Variants in PKHD1 observed in about 807,000 individuals in gnomAD.
PKHD1 encodes PKHD1 ciliary IPT domain containing fibrocystin/polyductin, also known as fibrocystin.
In PKHD1, 291 loss-of-function variants were observed where a neutral mutation model predicts 412.0. That is an observed-to-expected ratio of 0.71 (90% CI 0.64 to 0.78). The LOEUF is 0.78. Among genes scored for constraint, PKHD1 ranks in the 30% least tolerant of loss-of-function variants. PKHD1 has a pLI of 0.00. For synonymous variants in PKHD1, 1,777 were observed against 1,821.5 expected (o/e 0.98, Z 0.62); for missense variants, 4,825 against 4,950.7 (o/e 0.97, Z 0.76).
intron 60 of PKHD1, among the ~76,000 whole-genome samples, chr6:51,741,778 T>C (rs1250881599): frequency 6.6e-6 from 1 of 152,230 alleles, no homozygotes; most frequent in African/African-American, 2.4e-5. Flanking sequence ...ACTTGGATTC[T>C]AAGCCTTGTA....
chr6:51,695,994 TG>T (rs1778758262), intron 60 of PKHD1, among the ~76,000 whole-genome samples: 1 of 152,210 alleles, frequency 6.6e-6, no homozygotes, highest in African/African-American at 2.4e-5. Flanking sequence ...TGTTCCACAC[TG>T]GGGCTCCCAA....
At chr6:51,681,953 T>C (rs775623368) in intron 60 of PKHD1, among the ~76,000 whole-genome samples, 42 of 152,068 alleles carry the variant, frequency 2.8e-4, no homozygotes, top group Non-Finnish European at 5.0e-4. Context: ...TCTGAGTTTG[T>C]CTCTTGAGAC....
chr6:51,723,714 T>C (rs1782209384), intron 60 of PKHD1, among the ~76,000 whole-genome samples: 1 of 152,060 alleles, frequency 6.6e-6, no homozygotes. Flanking sequence ...TTTCTCCATC[T>C]CTCTCAAAAG....
At chr6:51,660,001 T>A in intron 60 of PKHD1, 32 bp from the exon 61 acceptor site, 1 of 1,281,078 alleles carries the variant, frequency 7.8e-7, no homozygotes, top group South Asian at 1.2e-5. Context: ...ACAAGTGATA[T>A]ATGAATTATA....
At chr6:51,911,219 G>A (rs1239371491) in intron 39 of PKHD1, among the ~76,000 whole-genome samples, 2 of 152,102 alleles carry the variant, frequency 1.3e-5, no homozygotes, top group African/African-American at 2.4e-5. Context: ...TCTACAGCCT[G>A]GGAAACCAAA....
chr6:51,799,644 A>C (rs545460650), intron 52 of PKHD1, among the ~76,000 whole-genome samples: 80 of 152,310 alleles, frequency 5.3e-4, no homozygotes, highest in African/African-American at 1.8e-3. Flanking sequence ...AGCTAGTTAC[A>C]TGAGCAAAAG....
chr6:51,858,567 A>G (rs1773670303), intron 48 of PKHD1, among the ~76,000 whole-genome samples: 3 of 152,180 alleles, frequency 2.0e-5, no homozygotes, highest in Admixed American at 2.0e-4. Context: ...AGGTTCCAAA[A>G]GTATATCCTT....
intron 35 of PKHD1, among the ~76,000 whole-genome samples, chr6:51,992,342 T>C (rs1206922350): frequency 6.6e-6 from 1 of 152,238 alleles, no homozygotes; most frequent in African/African-American, 2.4e-5. Context: ...TCCATTTTTC[T>C]CAATCTTCCC....
At chr6:51,627,747 A>C (rs1767443134) in intron 65 of PKHD1, among the ~76,000 whole-genome samples, 1 of 152,168 alleles carries the variant, frequency 6.6e-6, no homozygotes, top group Admixed American at 6.6e-5. Context: ...AGACCGGTAC[A>C]AGCCACCATA....
chr6:51,695,931 T>G (rs1778750817), intron 60 of PKHD1, among the ~76,000 whole-genome samples: 1 of 152,160 alleles, frequency 6.6e-6, no homozygotes, highest in African/African-American at 2.4e-5. Context: ...AAGTGAAATT[T>G]TGAGGTAAGA....
intron 35 of PKHD1, among the ~76,000 whole-genome samples, chr6:51,961,302 A>G (rs575756931): frequency 6.6e-6 from 1 of 152,306 alleles, no homozygotes; most frequent in South Asian, 2.1e-4. Flanking sequence ...CCCAAGGTCA[A>G]CAGTGCTAAG....
chr6:52,024,141 G>T (rs1801798121), intron 32 of PKHD1, among the ~76,000 whole-genome samples: 1 of 152,154 alleles, frequency 6.6e-6, no homozygotes, highest in Non-Finnish European at 1.5e-5. Context: ...TATTATTGTT[G>T]AAATATGAGT....
chr6:52,061,407 G>A (rs541673990), intron 14 of PKHD1, among the ~76,000 whole-genome samples: 2 of 151,986 alleles, frequency 1.3e-5, no homozygotes, highest in South Asian at 2.1e-4. Flanking sequence ...AGACTCAGGC[G>A]ATCCTCCTGT....
At position 51,906,321 on chromosome 6, in the gene PKHD1, G is replaced by T. The variant is rs898946249; in HGVS notation, c.6702C>A (p.Cys2234Ter). The part of the protein sequence containing the change: ...GAMRESFIQG[C>*]TVRNSFSRGL... ...CTCTACTGAAGGAGTTCCTCACTGT[G>T]CAGCCCTGTATGAAAGACTCTGAAT... The change falls in exon 41 of 67, where the codon TGC (cysteine) becomes TGA (stop). Residue 2234 changes from cysteine to a stop codon, truncating the protein, a stop_gained. Coordinates refer to ENST00000371117, the MANE Select transcript of PKHD1 (RefSeq NM_138694.4). LOFTEE classifies it high-confidence loss of function. The T allele has an allele frequency of 1.2e-6, 2 of 1,610,756 alleles. No individual in the cohort carries two copies. Among genetic ancestry groups the T allele is most frequent in the South Asian group, 2.2e-5 (2 of 91,026 alleles).
chr6:52,003,677 A>C (rs956247501), intron 35 of PKHD1, among the ~76,000 whole-genome samples: 2 of 152,206 alleles, frequency 1.3e-5, no homozygotes, highest in Non-Finnish European at 2.9e-5. Context: ...CTACCACAAG[A>C]ATTTTCAAAC....
At position 51,934,274 on chromosome 6, in the gene PKHD1, T is replaced by A; in HGVS notation, c.5957A>T (p.His1986Leu). Reference sequence around the variant, plus strand: ...TCCACCATCAGAAACAAGGATGGCGTGTGCCCTGAGCTCGATGGGTCCTGG... The same window carrying A: ...TCCACCATCAGAAACAAGGATGGCGAGTGCCCTGAGCTCGATGGGTCCTGG... ...MAPGPIELRAHAILVSDGGEL... is the reference protein window; with the variant it reads ...MAPGPIELRALAILVSDGGEL... Residue 1986 changes from histidine to leucine, a missense_variant, in exon 37 of 67, where the codon CAC becomes CTC. By Grantham distance (99) the His-to-Leu change is moderately conservative (BLOSUM62 -3). Transcript: ENST00000371117. 8.1e-6 allele frequency: 13 copies of A among 1,613,534 alleles called. No homozygotes were observed. Among genetic ancestry groups the A allele is most frequent in the Non-Finnish European group, 1.1e-5 (13 of 1,179,964 alleles).
Position 52,064,378 on chromosome 6 carries a change from GAGA to G in PKHD1, c.976+574_976+576del, listed in dbSNP as rs1809173077. Among the ~76,000 whole-genome samples, 4 of 152,200 alleles carry G rather than the reference GAGA, an allele frequency of 2.6e-5. No individual in the cohort carries two copies. In the South Asian group the frequency reaches 8.3e-4, roughly 32 times the overall value. On this transcript the variant is annotated intron_variant, in intron 13 of 66. Coordinates refer to ENST00000371117, the MANE Select transcript of PKHD1 (RefSeq NM_138694.4). ...TGCTGTAGGGTGGATGCTTTAAACAGAGAAGGACAGCTGGAAGCTCCCTTGCCT... is the reference window on the plus strand; with the variant it reads ...TGCTGTAGGGTGGATGCTTTAAACAGAGGACAGCTGGAAGCTCCCTTGCCT...
intron 11 of PKHD1, 139 bp downstream of exon 11, chr6:52,069,318 A>T (rs567431853): frequency 2.6e-6 from 2 of 756,798 alleles, no homozygotes; most frequent in African/African-American, 3.4e-5. Context: ...AATCTCAACC[A>T]AAAACACCAG....
intron 36 of PKHD1, among the ~76,000 whole-genome samples, chr6:51,955,572 C>G (rs1790998290): frequency 6.6e-6 from 1 of 151,920 alleles, no homozygotes; most frequent in Non-Finnish European, 1.5e-5. Flanking sequence ...TGTACGAGCC[C>G]AGTTTTCTAC....
Sources: allele counts gnomAD v4.1 joint callset (sites outside exome capture counted in the v4.1 genomes callset), GRCh38; gene constraint gnomAD v4.1.1; transcripts MANE v1.5; gene names NCBI Gene and HGNC (gene_info 2026-07-23, HGNC 2026-07-21).